The following CELF3 variants were observed in gnomAD, a reference collection of about 807,000 sequenced individuals.
CELF3 encodes CUGBP Elav-like family member 3, also known as CAG repeat domain.
Under a neutral mutation model 59.6 loss-of-function variants are expected in CELF3, and 26 were observed. The observed-to-expected ratio is 0.44, with a 90% CI of 0.32 to 0.61. The LOEUF is 0.61. Among genes scored for constraint, CELF3 ranks in the 20% least tolerant of loss-of-function variants. The pLI, the probability that CELF3 is intolerant of heterozygous loss-of-function variation, is 0.06. For missense variants in CELF3, 387 were observed against 627.2 expected (o/e 0.62, Z 4.09); for synonymous variants, 245 against 250.7 (o/e 0.98, Z 0.22).
Position 151,709,271 on chromosome 1 carries a change from C to T in CELF3, c.355G>A (p.Gly119Arg), listed in dbSNP as rs1672823836. The change falls in exon 4 of 13, where the codon GGG (glycine) becomes AGG (arginine). Residue 119 changes from glycine to arginine, a missense_variant. Coordinates refer to ENST00000290583, the MANE Select transcript of CELF3 (RefSeq NM_007185.7). The surrounding 1 kb of genome is among the most constrained non-coding windows in gnomAD (Gnocchi z 4.9). Reference protein sequence around the residue: ...EDVRKMFEPFGTIDECTVLRG... With the variant: ...EDVRKMFEPFRTIDECTVLRG... Reference sequence around the variant, plus strand: ...AGCACAGTGCACTCGTCGATGGTCCCGAAGGGCTCAAACATCTTCCGGACG... The same window carrying T: ...AGCACAGTGCACTCGTCGATGGTCCTGAAGGGCTCAAACATCTTCCGGACG... 2 of 1,613,920 alleles carry T rather than the reference C, an allele frequency of 1.2e-6. No homozygotes were observed. Among genetic ancestry groups the T allele is most frequent in the Admixed American group, 1.7e-5 (1 of 59,992 alleles).
At position 151,701,815 on chromosome 1, in the gene CELF3, T is replaced by C. The variant is rs754885342; in HGVS notation, c.*1644A>G. 4.6e-5 allele frequency among the ~76,000 whole-genome samples: 7 copies of C among 152,118 alleles called. No homozygotes were observed. Among genetic ancestry groups the C allele is most frequent in the Admixed American group, 3.9e-4 (6 of 15,274 alleles). ...TGCAGCCGCTTATAGTCCTAACTACTTGGGAGGCTGAGACAGGAGGATCCC... is the reference window on the plus strand; with the variant it reads ...TGCAGCCGCTTATAGTCCTAACTACCTGGGAGGCTGAGACAGGAGGATCCC... On this transcript the variant is annotated 3_prime_UTR_variant, in exon 13 of 13. Transcript: ENST00000290583.
chr1:151,705,202 C>T lies in CELF3; in HGVS notation c.1271-34G>A. 1 of 1,593,728 alleles carries T rather than the reference C, an allele frequency of 6.3e-7. No homozygotes were observed. The highest frequency in any genetic ancestry group is 1.3e-5 in the African/African-American group (1 of 74,742). Reference sequence around the variant, plus strand: ...AGAGGGGCATAAGGCCCGGCCCAGCCCCACCTCGCTCTTCCGTGCTTAGGA... The same window carrying T: ...AGAGGGGCATAAGGCCCGGCCCAGCTCCACCTCGCTCTTCCGTGCTTAGGA... On this transcript the variant is annotated intron_variant, in intron 11 of 12. Transcript: ENST00000290583. This position sits in a 1 kb window ranked among gnomAD's most constrained non-coding sequence, Gnocchi z 5.1.
At position 151,716,275 on chromosome 1, in the gene CELF3, C is replaced by T; in HGVS notation, c.-255G>A. On this transcript the variant is annotated 5_prime_UTR_variant, in exon 1 of 13. Coordinates refer to ENST00000290583, the MANE Select transcript of CELF3 (RefSeq NM_007185.7). ...GGGGCATCGCCTAAACAAACGATCT[C>T]CCTCCCAGAGATCTGGCAAATGTCC... 1 of 455,426 alleles carries T rather than the reference C, an allele frequency of 2.2e-6. No homozygotes were observed. Among genetic ancestry groups the T allele is most frequent in the Non-Finnish European group, 3.9e-6 (1 of 256,048 alleles). 28.2% of individuals were successfully genotyped at this position (455,426 alleles called of 1,614,324 possible).
rs1671992814 is a variant in CELF3 at position 151,700,366 on chromosome 1, C to A, written c.*3093G>T. Among the ~76,000 whole-genome samples, 1 of 152,100 alleles carries A rather than the reference C, an allele frequency of 6.6e-6. No individual in the cohort carries two copies. Among genetic ancestry groups the A allele is most frequent in the South Asian group, 2.1e-4 (1 of 4,818 alleles). On this transcript the variant is annotated 3_prime_UTR_variant, in exon 13 of 13. Coordinates refer to ENST00000290583, the MANE Select transcript of CELF3 (RefSeq NM_007185.7). ...AGGATTTCAACAAGAAGGCATTCAA[C>A]AAACATTTATTGAGCCGTTATGTGC...
rs1672116839 is a variant in CELF3, at chr1:151,702,129, T to C, written c.*1330A>G. 6.6e-6 allele frequency among the ~76,000 whole-genome samples: 1 copy of C among 152,184 alleles called. No homozygotes were observed. The highest frequency in any genetic ancestry group is 1.5e-5 in the Non-Finnish European group (1 of 68,030). On this transcript the variant is annotated 3_prime_UTR_variant, in exon 13 of 13. Coordinates refer to ENST00000290583, the MANE Select transcript of CELF3 (RefSeq NM_007185.7). ...GATGTGAGACTGCAAGTCCTCAGCC[T>C]TCAGAGGGACAGAGCTGGATACAGG... is the stretch of plus-strand genomic sequence containing the variant.
intron 2 of CELF3, chr1:151,710,467 G>A: frequency 3.0e-6 from 1 of 337,744 alleles, no homozygotes; most frequent in Non-Finnish European, 6.0e-6. Flanking sequence ...CAGAGAAGGA[G>A]TGGGGTGGGG....
intron 1 of CELF3, among the ~76,000 whole-genome samples, chr1:151,715,345 T>C (rs1314006851): frequency 1.3e-5 from 2 of 152,028 alleles, no homozygotes; most frequent in African/African-American, 4.8e-5. Flanking sequence ...TCCCACACTT[T>C]CCAGATCTTT....
Position 151,707,211 on chromosome 1 carries a change from G to T in CELF3, c.856C>A (p.Pro286Thr). The change falls in exon 8 of 13, where the codon CCC becomes ACC. Residue 286 changes from proline (P) to threonine (T), a missense_variant. Physicochemically the swap from Pro to Thr is conservative, Grantham distance 38. This residue lies in a region of CELF3 where 131 missense variants were observed against 153.7 expected (regional missense o/e 0.85). Transcript: ENST00000290583. ...ALGVNGYSPV[P>T]TQPTGQPAPD... ...GCAGGCTGCCCAGTGGGCTGGGTGG[G>T]CACCGGGCTGTAGCCGTTGACGCCC... The T allele has an allele frequency of 6.5e-7, 1 of 1,543,746 alleles. No homozygotes were observed.
In CELF3 at chr1:151,702,878, C is replaced by T; in HGVS notation, c.*581G>A. 1.2e-5 allele frequency: 3 copies of T among 240,310 alleles called. No homozygotes were observed. Among genetic ancestry groups the T allele is most frequent in the Non-Finnish European group, 2.6e-5 (3 of 116,864 alleles). The allele number at this position is 240,310 out of a possible 1,614,324, so 14.9% of individuals were successfully genotyped here. On this transcript the variant is annotated 3_prime_UTR_variant, in exon 13 of 13. Coordinates refer to ENST00000290583, the MANE Select transcript of CELF3 (RefSeq NM_007185.7). The stretch of plus-strand genomic sequence containing the variant: ...CTGTGGCTGACTGGCAGAGAGGCAG[C>T]CCTCAGGGCTCCCCCACACCCTCCT...
Position 151,707,202 on chromosome 1 carries a change from G to T in CELF3, c.865C>A (p.Pro289Thr), listed in dbSNP as rs747046976. The change falls in exon 8 of 13, where the codon CCC (proline) becomes ACC (threonine). Residue 289 changes from proline to threonine, a missense_variant. Physicochemically the swap from Pro to Thr is conservative, Grantham distance 38 (BLOSUM62 -1). This residue lies in a region of CELF3 where 131 missense variants were observed against 153.7 expected (regional missense o/e 0.85). Coordinates refer to ENST00000290583, the MANE Select transcript of CELF3 (RefSeq NM_007185.7). ...GCATCAGGGGCAGGCTGCCCAGTGGGCTGGGTGGGCACCGGGCTGTAGCCG... is the reference window on the plus strand; with the variant it reads ...GCATCAGGGGCAGGCTGCCCAGTGGTCTGGGTGGGCACCGGGCTGTAGCCG... ...VNGYSPVPTQ[P>T]TGQPAPDALY... The T allele has an allele frequency of 7.8e-6, 12 of 1,540,294 alleles. No homozygotes were observed. Among genetic ancestry groups the T allele is most frequent in the Admixed American group, 7.2e-5 (3 of 41,952 alleles).
chr1:151,706,084 G>GGGCCC, intron 10 of CELF3, 119 bp from the exon 11 acceptor site: 1 of 1,589,468 alleles, frequency 6.3e-7, no homozygotes, highest in Non-Finnish European at 8.6e-7. Context: ...CCTTGACAGT[G>GGGCCC]TGGGCCAAGT....
chr1:151,703,505 G>A lies in CELF3; in HGVS notation c.*11-57C>T, dbSNP rs536844598. ...GGAAGAGACCCCCGATGCGGATCAC[G>A]GGCTCTGGGGGAGGGGAGGGGGCTG... On this transcript the variant is annotated intron_variant, in intron 12 of 12. Transcript: ENST00000290583. 119 of 327,812 alleles carry A rather than the reference G, an allele frequency of 3.6e-4. 2 individuals carry two copies. Among genetic ancestry groups the A allele is most frequent in the South Asian group, 2.3e-3 (94 of 41,628 alleles). 20.3% of individuals were successfully genotyped at this position (327,812 alleles called of 1,614,324 possible).
In CELF3 at chr1:151,709,224, G is replaced by A. The variant is rs754528280; in HGVS notation, c.402C>T (p.Ser134=). 5.6e-6 allele frequency: 9 copies of A among 1,613,852 alleles called. No individual in the cohort carries two copies. The highest frequency in any genetic ancestry group is 7.6e-6 in the Non-Finnish European group (9 of 1,179,790). ...AGGGGGAAGTGGGTGGACTACCTTT[G>A]CTGGTGCCATCTGGCCCCCGGAGCA... is the stretch of plus-strand genomic sequence containing the variant. ...CTVLRGPDGT[S]KGCAFVKFQT... is the part of the protein sequence containing the mutation. Residue 134 remains serine (S), a synonymous_variant, in exon 4 of 13, where the codon AGC becomes AGT. Coordinates refer to ENST00000290583, the MANE Select transcript of CELF3 (RefSeq NM_007185.7). This position sits in a 1 kb window ranked among gnomAD's most constrained non-coding sequence, Gnocchi z 4.9.
intron 10 of CELF3, 120 bp downstream of exon 10, chr1:151,706,104 C>A: frequency 6.3e-7 from 1 of 1,596,450 alleles, no homozygotes; most frequent in South Asian, 1.1e-5. Flanking sequence ...TCTCCGGCCA[C>A]TCCCTCCCCA....
At chr1:151,714,818 C>T (rs1263981086) in intron 1 of CELF3, 142 bp from the exon 2 acceptor site, 5 of 656,648 alleles carry the variant, frequency 7.6e-6, no homozygotes, top group Non-Finnish European at 1.3e-5. Flanking sequence ...AGAGGTGTCT[C>T]CAAGGGGTAG....
intron 9 of CELF3, 96 bp from the exon 10 acceptor site, chr1:151,706,457 G>T: frequency 2.3e-6 from 3 of 1,331,498 alleles, no homozygotes; most frequent in Non-Finnish European, 2.1e-6. Context: ...CAGGCCAGTG[G>T]CACCTGCAGG....
chr1:151,705,035 G>C lies in CELF3; in HGVS notation c.*6C>G, dbSNP rs761119258. On this transcript the variant is annotated 3_prime_UTR_variant, in exon 12 of 13. Coordinates refer to ENST00000290583, the MANE Select transcript of CELF3 (RefSeq NM_007185.7). The surrounding 1 kb of genome is among the most constrained non-coding windows in gnomAD (Gnocchi z 5.1). The stretch of plus-strand genomic sequence containing the variant: ...CCACAACGGAGCGGGACCCACCTGG[G>C]GGCCCTCAGTAGGGCCGGTTGGCAT... 5 of 1,610,486 alleles carry C rather than the reference G, an allele frequency of 3.1e-6. No homozygotes were observed. The South Asian group carries it at 5.5e-5, about 18-fold the overall frequency.
chr1:151,706,289 G>T lies in CELF3; in HGVS notation c.1061C>A (p.Pro354His). 1 of 1,568,564 alleles carries T rather than the reference G, an allele frequency of 6.4e-7. No individual in the cohort carries two copies. The change falls in exon 10 of 13, where the codon CCC becomes CAC. Residue 354 changes from proline (P) to histidine (H), a missense_variant. By Grantham distance (77) the Pro-to-His change is moderately conservative (BLOSUM62 -2). Coordinates refer to ENST00000290583, the MANE Select transcript of CELF3 (RefSeq NM_007185.7). ...PQPPALVAQQ[P>H]PPPPQQQQQQ... ...CTGCTGCTGTTGAGGTGGTGGTGGGGGCTGCTGGGCGACCAGGGCTGGAGG... is the reference window on the plus strand; with the variant it reads ...CTGCTGCTGTTGAGGTGGTGGTGGGTGCTGCTGGGCGACCAGGGCTGGAGG...
intron 2 of CELF3, among the ~76,000 whole-genome samples, chr1:151,713,314 C>G (rs996254199): frequency 6.6e-6 from 1 of 152,206 alleles, no homozygotes; most frequent in African/African-American, 2.4e-5. Flanking sequence ...CCTGAGCTGC[C>G]AGGCAGCTGG....
Sources: gnomAD v4.1 joint callset for allele counts (sites outside exome capture counted in the v4.1 genomes callset) on GRCh38, gnomAD v4.1.1 for gene constraint, gnomAD v4.1.1 regional missense constraint, Gnocchi (gnomAD v3.1) non-coding constraint, MANE v1.5 for transcripts, NCBI Gene and HGNC (gene_info 2026-07-23, HGNC 2026-07-21) for gene names.